Variants in NRG3 observed in about 807,000 individuals in gnomAD.
NRG3 encodes the protein neuregulin 3.
Under a neutral mutation model 66.9 loss-of-function variants are expected in NRG3, and 31 were observed. The ratio of observed to expected loss-of-function variants is 0.46; its 90% CI spans 0.35 to 0.63. The LOEUF (loss-of-function observed/expected upper bound fraction) is 0.63, where lower values mean the gene tolerates loss of function less well. Among genes scored for constraint, NRG3 ranks in the 20% least tolerant of loss-of-function variants. The probability of loss-of-function intolerance (pLI) is 0.00; values close to 1 mark genes in which losing one functional copy is unlikely to be tolerated. For synonymous variants in NRG3, 393 were observed against 359.4 expected (o/e 1.09, Z -1.06); for missense variants, 910 against 878.9 (o/e 1.04, Z -0.45).
At chr10:82,699,519 C>A (rs1395812368) in intron 2 of NRG3, among the ~76,000 whole-genome samples, 1 of 151,942 alleles carries the variant, frequency 6.6e-6, no homozygotes, top group Non-Finnish European at 1.5e-5. Flanking sequence ...AGCCTTAAGA[C>A]CTCGTTCCTC....
At chr10:82,161,728 C>G (rs1473278505) in intron 1 of NRG3, among the ~76,000 whole-genome samples, 5 of 151,950 alleles carry the variant, frequency 3.3e-5, no homozygotes, top group Non-Finnish European at 4.4e-5. Context: ...GCTTCCTGAC[C>G]CATACTATCT....
chr10:82,283,095 G>A (rs946470716), intron 1 of NRG3, among the ~76,000 whole-genome samples: 11 of 152,008 alleles, frequency 7.2e-5, no homozygotes, highest in Admixed American at 4.6e-4. Context: ...TGTCTTCTCG[G>A]TCTTAATCTA....
chr10:82,109,569 GTGTGTGTGTATA>G (rs972576171), intron 1 of NRG3, among the ~76,000 whole-genome samples: 3 of 135,704 alleles, frequency 2.2e-5, no homozygotes, highest in African/African-American at 9.2e-5. Flanking sequence ...GTGTGTGTGT[GTGTGTGTGTATA>G]TATATATTTT....
At chr10:82,545,000 A>C (rs906428343) in intron 2 of NRG3, among the ~76,000 whole-genome samples, 6 of 152,202 alleles carry the variant, frequency 3.9e-5, no homozygotes, top group African/African-American at 1.4e-4. Context: ...TAGGAAATAA[A>C]ACAGCAACTA....
intron 1 of NRG3, among the ~76,000 whole-genome samples, chr10:82,201,710 A>G (rs78135479): frequency 0.033 from 5,076 of 152,216 alleles, 120 homozygotes; most frequent in African/African-American, 0.069. Flanking sequence ...CAGTCAAGAT[A>G]CCTTTCAAAG....
rs2081969741 is a variant in NRG3 at position 82,328,223 on chromosome 10, G to GAGA, written c.824-30513_824-30511dup. Among the ~76,000 whole-genome samples, 3 of 152,296 alleles carry GAGA rather than the reference G, an allele frequency of 2.0e-5. No individual in the cohort carries two copies. The South Asian group carries it at 6.2e-4, about 32-fold the overall frequency. ...TTATGGAAAGAACATTTGCTAGAAG[G>GAGA]AGAAGGGCCAGTATCTTCACTGGTA... On this transcript the variant is annotated intron_variant, in intron 1 of 8. Transcript: ENST00000372141.
At chr10:82,693,964 G>T (rs1432253741) in intron 2 of NRG3, among the ~76,000 whole-genome samples, 8 of 152,024 alleles carry the variant, frequency 5.3e-5, no homozygotes, top group Non-Finnish European at 5.9e-5. Context: ...CTGCTGATTT[G>T]TCCATTTTAC....
At chr10:81,904,203 T>C (rs1214217657) in intron 1 of NRG3, among the ~76,000 whole-genome samples, 1 of 151,780 alleles carries the variant, frequency 6.6e-6, no homozygotes, top group Non-Finnish European at 1.5e-5. Flanking sequence ...AGAGGTGGGA[T>C]TTCACCATGT....
At chr10:82,466,013 C>A (rs1840643640) in intron 2 of NRG3, among the ~76,000 whole-genome samples, 1 of 152,122 alleles carries the variant, frequency 6.6e-6, no homozygotes, top group Non-Finnish European at 1.5e-5. Context: ...GGCACTCATG[C>A]CTGTTTAGAT....
At chr10:82,182,111 T>C (rs188765465) in intron 1 of NRG3, among the ~76,000 whole-genome samples, 160 of 151,608 alleles carry the variant, frequency 1.1e-3, no homozygotes, top group African/African-American at 3.6e-3. Flanking sequence ...TGTTTTTTTT[T>C]CCATACTTTC....
intron 1 of NRG3, among the ~76,000 whole-genome samples, chr10:81,999,311 A>G (rs1474456734): frequency 6.6e-6 from 1 of 152,224 alleles, no homozygotes; most frequent in Non-Finnish European, 1.5e-5. Context: ...GATAAAATTT[A>G]AGAAGAACGA....
intron 5 of NRG3, 149 bp from the exon 6 acceptor site, chr10:82,958,800 T>C (rs899261287): frequency 2.3e-6 from 2 of 856,266 alleles, no homozygotes; most frequent in African/African-American, 3.5e-5. Context: ...TCTGGTGGGG[T>C]TGGAAATGAG....
At chr10:82,726,694 G>C (rs2057622103) in intron 2 of NRG3, among the ~76,000 whole-genome samples, 1 of 152,088 alleles carries the variant, frequency 6.6e-6, no homozygotes, top group African/African-American at 2.4e-5. Context: ...TTTGTTACCA[G>C]TAGAGCGGGA....
intron 2 of NRG3, among the ~76,000 whole-genome samples, chr10:82,539,994 C>A (rs1242052604): frequency 6.6e-6 from 1 of 151,988 alleles, no homozygotes; most frequent in Non-Finnish European, 1.5e-5. Context: ...GGTAACTGGT[C>A]TCCCTTTGTA....
intron 1 of NRG3, among the ~76,000 whole-genome samples, chr10:82,218,623 C>A (rs936869586): frequency 3.3e-5 from 5 of 152,096 alleles, no homozygotes; most frequent in African/African-American, 1.2e-4. Flanking sequence ...TTTTCTCACC[C>A]CCTTTCTCTG....
chr10:82,818,252 T>C (rs1015684287), intron 3 of NRG3, among the ~76,000 whole-genome samples: 1 of 152,168 alleles, frequency 6.6e-6, no homozygotes, highest in Admixed American at 6.5e-5. Context: ...TGTCTTATGC[T>C]GATGGGCAGT....
Position 82,046,062 on chromosome 10 carries a change from G to C in NRG3, c.823+169899G>C, listed in dbSNP as rs1314068478. Among the ~76,000 whole-genome samples, 87 of 141,486 alleles carry C rather than the reference G, an allele frequency of 6.1e-4. 1 individual carries two copies. Among genetic ancestry groups the C allele is most frequent in the African/African-American group, 2.1e-3 (81 of 38,234 alleles). The allele number at this position is 141,486 out of a possible 152,430, so 92.8% of individuals were successfully genotyped here. On this transcript the variant is annotated intron_variant, in intron 1 of 8. Transcript: ENST00000372141. ...ACTTGGCAATGTGGGCTCTTTTTTG[G>C]TTCCATATGAACTTTAAAGTAGTTT...
chr10:82,205,307 G>A (rs116996350), intron 1 of NRG3, among the ~76,000 whole-genome samples: 1 of 152,260 alleles, frequency 6.6e-6, no homozygotes, highest in East Asian at 1.9e-4. Flanking sequence ...TGGTTCTTCT[G>A]GGTTCCATCT....
intron 3 of NRG3, among the ~76,000 whole-genome samples, chr10:82,836,764 G>A (rs145925553): frequency 6.7e-6 from 1 of 148,968 alleles, no homozygotes; most frequent in Non-Finnish European, 1.5e-5. Context: ...TTAAGTTTTA[G>A]GGTACATGTA....
Sources: gnomAD v4.1 joint callset for allele counts (sites outside exome capture counted in the v4.1 genomes callset) on GRCh38, gnomAD v4.1.1 for gene constraint, MANE v1.5 for transcripts, NCBI Gene and HGNC (gene_info 2026-07-23, HGNC 2026-07-21) for gene names.